Variants in SLC6A6 observed in about 807,000 individuals in gnomAD.
SLC6A6 encodes the protein sodium- and chloride-dependent taurine transporter.
Under a neutral mutation model 68.8 loss-of-function variants are expected in SLC6A6, and 16 were observed. The ratio of observed to expected loss-of-function variants is 0.23; its 90% CI spans 0.16 to 0.35. The LOEUF (loss-of-function observed/expected upper bound fraction) is 0.35. Ranked by LOEUF, SLC6A6 falls within the 10% of genes least tolerant of loss-of-function variation. The pLI, the probability that SLC6A6 is intolerant of heterozygous loss-of-function variation, is 1.00. For synonymous variants in SLC6A6, 312 were observed against 315.4 expected (o/e 0.99, Z 0.12); for missense variants, 474 against 802.8 (o/e 0.59, Z 4.95).
At chr3:14,433,279 A>T (rs1699771279) in intron 2 of SLC6A6, among the ~76,000 whole-genome samples, 1 of 152,080 alleles carries the variant, frequency 6.6e-6, no homozygotes, top group Non-Finnish European at 1.5e-5. Context: ...ACTTCCCAAG[A>T]GCACATTACA....
intron 2 of SLC6A6, among the ~76,000 whole-genome samples, chr3:14,419,799 CT>C (rs1699446872): frequency 2.0e-5 from 3 of 152,190 alleles, no homozygotes; most frequent in South Asian, 2.1e-4. Context: ...TGAGCCCCCC[CT>C]AGAGCAACTC....
chr3:14,442,774 T>C (rs1700020913), intron 2 of SLC6A6, among the ~76,000 whole-genome samples: 1 of 152,142 alleles, frequency 6.6e-6, no homozygotes, highest in African/African-American at 2.4e-5. Flanking sequence ...CTCTGGGGCC[T>C]CCCGTTGGCC....
At chr3:14,482,891 A>G (rs1266298297) in intron 14 of SLC6A6, among the ~76,000 whole-genome samples, 1 of 152,168 alleles carries the variant, frequency 6.6e-6, no homozygotes, top group South Asian at 2.1e-4. Flanking sequence ...CAGGCAGGGA[A>G]CAGTGACTGT....
At chr3:14,413,304 C>T (rs1478232341) in intron 1 of SLC6A6, among the ~76,000 whole-genome samples, 1 of 152,204 alleles carries the variant, frequency 6.6e-6, no homozygotes, top group Non-Finnish European at 1.5e-5. Context: ...GTGATGGGAC[C>T]ACAGGAGCTG....
chr3:14,431,184 C>A (rs1467667361), intron 2 of SLC6A6, among the ~76,000 whole-genome samples: 2 of 152,204 alleles, frequency 1.3e-5, no homozygotes, highest in African/African-American at 4.8e-5. Context: ...GGGAGCACAT[C>A]CTGGTCCACC....
At chr3:14,471,130 C>CTTTTTTTTTTTTTTTTTTTTTTTTTT (rs754511089) in intron 9 of SLC6A6, among the ~76,000 whole-genome samples, 1 of 83,124 alleles carries the variant, frequency 1.2e-5, no homozygotes, top group Admixed American at 1.4e-4. Context: ...TGCTTCTTGA[C>CTTTTTTTTTTTTTTTTTTTTTTTTTT]TTTTTTTTTT....
rs1354712610 is a variant in SLC6A6 at position 14,485,734 on chromosome 3, G to T, written c.*727G>T. On this transcript the variant is annotated 3_prime_UTR_variant, in exon 15 of 15. Coordinates refer to ENST00000622186, the MANE Select transcript of SLC6A6 (RefSeq NM_003043.6). Reference sequence around the variant, plus strand: ...CAGAAGTCTGATTCTAAGAGCAGTAGAAACTTGTACCAGAAGCAAAATCCC... The same window carrying T: ...CAGAAGTCTGATTCTAAGAGCAGTATAAACTTGTACCAGAAGCAAAATCCC... The T allele has an allele frequency of 6.6e-6, 1 of 152,628 alleles. No homozygotes were observed. The highest frequency in any genetic ancestry group is 6.5e-5 in the Admixed American group (1 of 15,284). The allele number at this position is 152,628 out of a possible 1,614,324, so 9.5% of individuals were successfully genotyped here.
intron 6 of SLC6A6, among the ~76,000 whole-genome samples, chr3:14,459,403 G>T (rs1375245350): frequency 6.6e-6 from 1 of 152,160 alleles, no homozygotes; most frequent in Non-Finnish European, 1.5e-5. Context: ...CACTTACCCT[G>T]CAAGACCTGG....
intron 3 of SLC6A6, chr3:14,444,354 G>C (rs2124945144): frequency 5.2e-6 from 1 of 193,888 alleles, no homozygotes; most frequent in South Asian, 9.2e-5. Context: ...AAGGTATCCA[G>C]GAATAAAAAG....
chr3:14,416,633 G>C (rs1189609440), intron 2 of SLC6A6, among the ~76,000 whole-genome samples, 180 bp downstream of exon 2: 2 of 152,212 alleles, frequency 1.3e-5, no homozygotes, highest in Non-Finnish European at 2.9e-5. Flanking sequence ...GGCCTGGCTT[G>C]GCCACTCTGT....
intron 2 of SLC6A6, among the ~76,000 whole-genome samples, chr3:14,441,314 G>A (rs1392083699): frequency 6.6e-6 from 1 of 152,108 alleles, no homozygotes; most frequent in Non-Finnish European, 1.5e-5. Context: ...CGCCCACCGA[G>A]CCAGCCCACA....
At chr3:14,480,413 G>A (rs1700980229) in intron 13 of SLC6A6, among the ~76,000 whole-genome samples, 1 of 152,210 alleles carries the variant, frequency 6.6e-6, no homozygotes, top group South Asian at 2.1e-4. Flanking sequence ...GAGATAGGCT[G>A]CATTCCCAGG....
intron 5 of SLC6A6, 179 bp downstream of exon 5, chr3:14,447,995 G>A: frequency 1.4e-6 from 2 of 1,407,422 alleles, no homozygotes; most frequent in Non-Finnish European, 1.9e-6. Flanking sequence ...TCCCAGTTCT[G>A]CCACTTACTG....
chr3:14,473,397 T>C (rs1321549513), intron 10 of SLC6A6, among the ~76,000 whole-genome samples: 1 of 151,986 alleles, frequency 6.6e-6, no homozygotes, highest in East Asian at 1.9e-4. Flanking sequence ...TGAATGCCTC[T>C]TGGGAAGCCT....
intron 10 of SLC6A6, among the ~76,000 whole-genome samples, chr3:14,475,537 G>A (rs1037121537): frequency 1.2e-4 from 19 of 152,142 alleles, no homozygotes; most frequent in African/African-American, 2.9e-4. Context: ...AGTGAGGCTC[G>A]GAGAAGCCAA....
intron 3 of SLC6A6, 146 bp downstream of exon 3, chr3:14,444,009 C>T (rs1370880929): frequency 8.0e-6 from 5 of 622,200 alleles, no homozygotes; most frequent in Non-Finnish European, 1.4e-5. Flanking sequence ...CTGCCATGCT[C>T]CTGCCAACCC....
chr3:14,452,005 TTGCTGGCAGGTGC>T (rs916666607), intron 5 of SLC6A6, among the ~76,000 whole-genome samples: 2 of 151,984 alleles, frequency 1.3e-5, no homozygotes, highest in African/African-American at 2.4e-5. Flanking sequence ...TCAGCAGGAG[TTGCTGGCAGGTGC>T]TGCTGGCAGG....
At chr3:14,471,252 C>A (rs759329593) in intron 9 of SLC6A6, among the ~76,000 whole-genome samples, 1 of 151,478 alleles carries the variant, frequency 6.6e-6, no homozygotes, top group African/African-American at 2.4e-5. Context: ...TTCAGGCAGG[C>A]TGGAGACAGG....
At chr3:14,461,361 C>T (rs1384394754) in intron 6 of SLC6A6, among the ~76,000 whole-genome samples, 2 of 152,336 alleles carry the variant, frequency 1.3e-5, no homozygotes, top group South Asian at 2.1e-4. Context: ...GGGATTTGGA[C>T]CCAGGCGGCC....
Sources: allele counts gnomAD v4.1 joint callset (sites outside exome capture counted in the v4.1 genomes callset), GRCh38; gene constraint gnomAD v4.1.1; transcripts MANE v1.5; gene names NCBI Gene and HGNC (gene_info 2026-07-23, HGNC 2026-07-21).